Variants in BANF2 observed in about 807,000 individuals in gnomAD.
BANF2 encodes the protein barrier-to-autointegration factor-like protein.
BANF2 carries 4 observed loss-of-function variants against 8.0 expected under a neutral mutation model. The ratio of observed to expected loss-of-function variants is 0.50; its 90% CI spans 0.25 to 1.14. BANF2 has a LOEUF of 1.14. BANF2 is among the 50% of genes most tolerant of loss of function. BANF2 has a pLI of 0.16. For synonymous variants in BANF2, 50 were observed against 40.6 expected (o/e 1.23, Z -0.88); for missense variants, 96 against 107.5 (o/e 0.89, Z 0.47).
chr20:17,707,646 C>T (rs1177325881), intron 1 of BANF2, among the ~76,000 whole-genome samples: 1 of 152,000 alleles, frequency 6.6e-6, no homozygotes, highest in Non-Finnish European at 1.5e-5. Flanking sequence ...ATGGCACGAT[C>T]TCGGCTCATT....
chr20:17,711,387 A>T (rs2037570509), intron 1 of BANF2, among the ~76,000 whole-genome samples: 1 of 152,240 alleles, frequency 6.6e-6, no homozygotes, highest in Non-Finnish European at 1.5e-5. Flanking sequence ...AGAAAATACG[A>T]TTCTTTATTC....
At chr20:17,729,390 T>G (rs1337442527) in intron 3 of BANF2, among the ~76,000 whole-genome samples, 2 of 152,184 alleles carry the variant, frequency 1.3e-5, no homozygotes, top group African/African-American at 2.4e-5. Flanking sequence ...CAGGCTCCTT[T>G]TTCTGAGCAG....
Position 17,709,698 on chromosome 20 carries a change from T to C in BANF2, c.-167+9643T>C, listed in dbSNP as rs570129260. ...TCTCAGTGGTTGAGAACACAGATATTAGGCTGAGGCCCACTCGGTTTGAGG... is the reference window on the plus strand; with the variant it reads ...TCTCAGTGGTTGAGAACACAGATATCAGGCTGAGGCCCACTCGGTTTGAGG... On this transcript the variant is annotated intron_variant, in intron 1 of 3. Transcript: ENST00000246090. Among the ~76,000 whole-genome samples the C allele has an allele frequency of 2.9e-4, 44 of 152,324 alleles. No homozygotes were observed. In the South Asian group the frequency reaches 8.7e-3, roughly 30 times the overall value.
intron 1 of BANF2, among the ~76,000 whole-genome samples, chr20:17,718,848 C>G (rs886745750): frequency 6.6e-6 from 1 of 152,162 alleles, no homozygotes; most frequent in Admixed American, 6.6e-5. Context: ...CATTCCCTGC[C>G]GATGTGTCCT....
In BANF2 at chr20:17,728,382, C is replaced by G. The variant is rs184506656; in HGVS notation, c.126+3231C>G. On this transcript the variant is annotated intron_variant, in intron 3 of 3. Transcript: ENST00000246090. Reference sequence around the variant, plus strand: ...CTCAGCCATCGGCTCTCTCTAGAGACCCAAGGGTGCTGGATGCCCTGGGGG... The same window carrying G: ...CTCAGCCATCGGCTCTCTCTAGAGAGCCAAGGGTGCTGGATGCCCTGGGGG... Among the ~76,000 whole-genome samples, 932 of 152,262 alleles carry G rather than the reference C, an allele frequency of 6.1e-3. 16 individuals carry two copies. The highest frequency in any genetic ancestry group is 0.022 in the African/African-American group (894 of 41,550).
intron 3 of BANF2, among the ~76,000 whole-genome samples, chr20:17,730,357 C>G (rs144071702): frequency 4.9e-4 from 74 of 152,126 alleles, no homozygotes; most frequent in Non-Finnish European, 8.2e-4. Context: ...GTCATTGTGC[C>G]GTCTGCCCCT....
chr20:17,730,905 T>C (rs1305852911), intron 3 of BANF2, among the ~76,000 whole-genome samples: 1 of 152,206 alleles, frequency 6.6e-6, no homozygotes, highest in African/African-American at 2.4e-5. Flanking sequence ...AAGCAAATAA[T>C]TTTCTTAGTG....
chr20:17,705,432 A>G (rs908843621), intron 1 of BANF2, among the ~76,000 whole-genome samples: 1 of 152,218 alleles, frequency 6.6e-6, no homozygotes, highest in African/African-American at 2.4e-5. Context: ...CTGTCGAATT[A>G]AAGATCTTTA....
chr20:17,700,443 C>G (rs950777347), intron 1 of BANF2, among the ~76,000 whole-genome samples: 58 of 152,210 alleles, frequency 3.8e-4, no homozygotes, highest in African/African-American at 1.4e-3. Context: ...GGCCAAATGA[C>G]ACACCACATA....
upstream of BANF2, among the ~76,000 whole-genome samples, chr20:17,695,445 C>CAAAAAAAAA (rs71192401): frequency 9.7e-5 from 5 of 51,368 alleles, no homozygotes; most frequent in Non-Finnish European, 1.3e-4. Flanking sequence ...GACCTTGTCT[C>CAAAAAAAAA]AAAAAAAAAA....
chr20:17,722,242 C>G (rs1480577786), intron 1 of BANF2, among the ~76,000 whole-genome samples: 1 of 152,240 alleles, frequency 6.6e-6, no homozygotes, highest in African/African-American at 2.4e-5. Context: ...GTGAGAAAAG[C>G]AAACACACAC....
chr20:17,710,818 C>T (rs550379602), intron 1 of BANF2, among the ~76,000 whole-genome samples: 2 of 152,114 alleles, frequency 1.3e-5, no homozygotes, highest in South Asian at 4.1e-4. Context: ...GCGGCTGAGC[C>T]AGGAGTGGAA....
chr20:17,734,481 T>G (rs1362974663), intron 3 of BANF2, among the ~76,000 whole-genome samples: 2 of 152,250 alleles, frequency 1.3e-5, no homozygotes, highest in Non-Finnish European at 2.9e-5. Flanking sequence ...AGATCCAGGT[T>G]CTGTGGGTTC....
Position 17,725,043 on chromosome 20 carries a change from C to G in BANF2, c.18C>G (p.Pro6=). The G allele has an allele frequency of 6.2e-7, 1 of 1,607,776 alleles. No individual in the cohort carries two copies. The highest frequency in any genetic ancestry group is 8.5e-7 in the Non-Finnish European group (1 of 1,174,244). Residue 6 remains proline (P), a synonymous_variant, in exon 3 of 4, where the codon CCC becomes CCG. Coordinates refer to ENST00000246090, the MANE Select transcript of BANF2 (RefSeq NM_178477.5). MDNMS[P]RLRAFLSEPI... ...CGCAGGAGATGGACAACATGTCTCC[C>G]AGGCTGAGAGCCTTCCTCTCCGAAC...
intron 1 of BANF2, among the ~76,000 whole-genome samples, chr20:17,701,951 CA>C (rs1208420242): frequency 6.6e-6 from 1 of 152,188 alleles, no homozygotes; most frequent in Non-Finnish European, 1.5e-5. Flanking sequence ...CCACCATTTA[CA>C]AAATGCCTGC....
At chr20:17,732,678 A>G (rs1307610028) in intron 3 of BANF2, among the ~76,000 whole-genome samples, 2 of 152,166 alleles carry the variant, frequency 1.3e-5, no homozygotes, top group Non-Finnish European at 2.9e-5. Flanking sequence ...TTACAGCTGC[A>G]GGACGGAATG....
At chr20:17,710,113 G>A (rs917183560) in intron 1 of BANF2, among the ~76,000 whole-genome samples, 5 of 152,198 alleles carry the variant, frequency 3.3e-5, no homozygotes, top group Non-Finnish European at 5.9e-5. Flanking sequence ...GAGGGGTGTG[G>A]GGCTGGGTAC....
chr20:17,729,057 T>C (rs2037854783), intron 3 of BANF2, among the ~76,000 whole-genome samples: 1 of 152,170 alleles, frequency 6.6e-6, no homozygotes, highest in South Asian at 2.1e-4. Context: ...AAAATCAAAA[T>C]CACGTATGTG....
intron 3 of BANF2, among the ~76,000 whole-genome samples, chr20:17,727,313 C>A (rs747297612): frequency 1.3e-5 from 2 of 152,132 alleles, no homozygotes; most frequent in Non-Finnish European, 2.9e-5. Flanking sequence ...CTGTATCCTT[C>A]GCTTTGAGCC....
Sources: gnomAD v4.1 joint callset for allele counts (sites outside exome capture counted in the v4.1 genomes callset) on GRCh38, gnomAD v4.1.1 for gene constraint, MANE v1.5 for transcripts, NCBI Gene and HGNC (gene_info 2026-07-23, HGNC 2026-07-21) for gene names.